Variants in TTC5 observed in about 807,000 individuals in gnomAD.
The protein encoded by TTC5 is tetratricopeptide repeat domain 5.
In TTC5, 46 loss-of-function variants were observed where a neutral mutation model predicts 57.4. The ratio of observed to expected loss-of-function variants is 0.80; its 90% CI spans 0.63 to 1.03. The LOEUF (loss-of-function observed/expected upper bound fraction) is 1.03. Among genes scored for constraint, TTC5 ranks in the 50% least tolerant of loss-of-function variants. TTC5 has a pLI of 0.00. For missense variants in TTC5, 504 were observed against 528.1 expected (o/e 0.95, Z 0.45); for synonymous variants, 190 against 203.5 (o/e 0.93, Z 0.57).
In TTC5 at chr14:20,295,481, G is replaced by C. The variant is rs368459615; in HGVS notation, c.889C>G (p.Arg297Gly). The C allele has an allele frequency of 1.2e-6, 2 of 1,613,756 alleles. No individual in the cohort carries two copies. The highest frequency in any genetic ancestry group is 1.1e-5 in the South Asian group (1 of 91,064). ...KKLQSMLGSLRPAHLGPCSDG... is the reference protein window; with the variant it reads ...KKLQSMLGSLGPAHLGPCSDG... The stretch of plus-strand genomic sequence containing the variant: ...CTGCAAGGGCCTAGATGGGCTGGGC[G>C]CAAGCTTCCCAGCATGCTCTGCAGC... Residue 297 changes from arginine (R) to glycine (G), a missense_variant, in exon 8 of 10, where the codon CGC (arginine) becomes GGC (glycine). Physicochemically the swap from Arg to Gly is moderately radical, Grantham distance 125 (BLOSUM62 -2). Coordinates refer to ENST00000258821, the MANE Select transcript of TTC5 (RefSeq NM_138376.3).
intron 9 of TTC5, 31 bp from the exon 10 acceptor site, chr14:20,289,777 A>G: frequency 6.3e-7 from 1 of 1,588,268 alleles, no homozygotes; most frequent in Non-Finnish European, 8.6e-7. Flanking sequence ...AAGGTTCACT[A>G]CAGATTCCAA....
chr14:20,305,596 A>G (rs1418435558), intron 1 of TTC5: 1 of 515,010 alleles, frequency 1.9e-6, no homozygotes, highest in Non-Finnish European at 3.5e-6. Context: ...GCTATTCGCT[A>G]TGGATGAATC....
intron 3 of TTC5, 61 bp downstream of exon 3, chr14:20,300,546 T>A: frequency 1.4e-6 from 2 of 1,466,182 alleles, no homozygotes; most frequent in Non-Finnish European, 1.8e-6. Flanking sequence ...GGGAAACTCA[T>A]AGAACCAAAG....
intron 8 of TTC5, 95 bp from the exon 9 acceptor site, chr14:20,292,222 T>C: frequency 1.2e-6 from 1 of 860,194 alleles, no homozygotes; most frequent in Non-Finnish European, 1.6e-6. Flanking sequence ...ACTAGCAAAA[T>C]ACTGGACTTA....
At chr14:20,292,227 G>GCAA in intron 8 of TTC5, 100 bp from the exon 9 acceptor site, 3 of 789,232 alleles carry the variant, frequency 3.8e-6, no homozygotes, top group Non-Finnish European at 5.4e-6. Context: ...CAAAATACTG[G>GCAA]ACTTAAAGTC....
In TTC5 at chr14:20,292,094, G is replaced by A. The variant is rs1232514870; in HGVS notation, c.1092C>T (p.Cys364=). The stretch of plus-strand genomic sequence containing the variant: ...CTATATTGTACACCATCACTGCATA[G>A]CAAGGTCCATCTGAATCTACCAGGC... ...TFGLVDSDGP[C]YAVMVYNIVQ... is the part of the protein sequence containing the mutation. The change falls in exon 9 of 10, where the codon TGC becomes TGT. Residue 364 remains cysteine (C), a synonymous_variant. Coordinates refer to ENST00000258821, the MANE Select transcript of TTC5 (RefSeq NM_138376.3). The A allele has an allele frequency of 6.3e-7, 1 of 1,586,262 alleles. No homozygotes were observed.
intron 9 of TTC5, among the ~76,000 whole-genome samples, chr14:20,291,324 C>G (rs1881948186): frequency 6.6e-6 from 1 of 152,180 alleles, no homozygotes; most frequent in African/African-American, 2.4e-5. Flanking sequence ...TTCCAAAGTG[C>G]TGGGATTTTA....
chr14:20,299,163 T>G (rs1213368299), intron 4 of TTC5, 135 bp downstream of exon 4: 1 of 972,048 alleles, frequency 1.0e-6, no homozygotes, highest in Non-Finnish European at 1.5e-6. Context: ...AAAATGTCTT[T>G]CGTGTGTCTT....
chr14:20,300,631 G>A lies in TTC5; in HGVS notation c.372C>T (p.Thr124=). 1 of 1,613,096 alleles carries A rather than the reference G, an allele frequency of 6.2e-7. No individual in the cohort carries two copies. The highest frequency in any genetic ancestry group is 8.5e-7 in the Non-Finnish European group (1 of 1,179,930). ...WKKGDVAAAH[T]CFSGALTHCR... ...CATGGGTGAGGGCTCCTGAGAAGCA[G>A]GTGTGGGCAGCTGCAACATCCCCTT... The change falls in exon 3 of 10, where the codon ACC becomes ACT. Residue 124 remains threonine (T), a synonymous_variant. Coordinates refer to ENST00000258821, the MANE Select transcript of TTC5 (RefSeq NM_138376.3).
Position 20,295,405 on chromosome 14 carries a change from T to C in TTC5, c.965A>G (p.Lys322Arg). The change falls in exon 8 of 10, where the codon AAG (lysine) becomes AGG (arginine). Residue 322 changes from lysine to arginine, a missense_variant. Coordinates refer to ENST00000258821, the MANE Select transcript of TTC5 (RefSeq NM_138376.3). ...ASGQKVTLEL[K>R]PLSTLQPGVN... is the part of the protein sequence containing the mutation. ...CCCAGGCTGAAGCGTACTCAGTGGC[T>C]TGAGCTCCAGGGTCACTTTCTGCCC... 6.2e-7 allele frequency: 1 copy of C among 1,614,202 alleles called. No individual in the cohort carries two copies.
rs765006680 is a variant in TTC5 at position 20,295,831 on chromosome 14, A to G, written c.720T>C (p.Tyr240=). The G allele has an allele frequency of 1.9e-6, 3 of 1,589,438 alleles. No homozygotes were observed. ...RATLHKYEES[Y]GEALEGFSRA... The stretch of plus-strand genomic sequence containing the variant: ...GAGAGAAGCCCTCCAGGGCCTCCCC[A>G]TAACTCTCTTCATATTTATGCAACT... Residue 240 remains tyrosine (Y), a synonymous_variant, in exon 7 of 10, where the codon TAT becomes TAC. Transcript: ENST00000258821.
chr14:20,294,968 C>T, intron 8 of TTC5: 1 of 258,856 alleles, frequency 3.9e-6, no homozygotes, highest in Non-Finnish European at 7.6e-6. Context: ...AATTTGTCCT[C>T]CTTCAACTTC....
chr14:20,286,934 G>T lies in TTC5; in HGVS notation c.*2693C>A, dbSNP rs1881849900. ...ATTAATAATCAGAAATGCAAATTAA[G>T]GCCACAAGGAAATAATACTCAAATC... On this transcript the variant is annotated 3_prime_UTR_variant, in exon 10 of 10. Coordinates refer to ENST00000258821, the MANE Select transcript of TTC5 (RefSeq NM_138376.3). 6.6e-6 allele frequency: 1 copy of T among 151,932 alleles called. No individual in the cohort carries two copies. The highest frequency in any genetic ancestry group is 6.6e-5 in the Admixed American group (1 of 15,246). 9.4% of individuals were successfully genotyped at this position (151,932 alleles called of 1,614,324 possible).
rs755325720 is a variant in TTC5 at position 20,295,797 on chromosome 14, C to T, written c.754G>A (p.Ala252Thr). The T allele has an allele frequency of 1.9e-6, 3 of 1,611,038 alleles. No individual in the cohort carries two copies. The highest frequency in any genetic ancestry group is 2.5e-6 in the Non-Finnish European group (3 of 1,179,240). ...EALEGFSRAA[A>T]LDPAWPEPRQ... Reference sequence around the variant, plus strand: ...GGCTCTGGCCAGGCAGGGTCCAGGGCTGCAGCCCGAGAGAAGCCCTCCAGG... The same window carrying T: ...GGCTCTGGCCAGGCAGGGTCCAGGGTTGCAGCCCGAGAGAAGCCCTCCAGG... The change falls in exon 7 of 10, where the codon GCC becomes ACC. Residue 252 changes from alanine (A) to threonine (T), a missense_variant. Coordinates refer to ENST00000258821, the MANE Select transcript of TTC5 (RefSeq NM_138376.3).
chr14:20,297,772 C>CA (rs759779512), intron 5 of TTC5, among the ~76,000 whole-genome samples: 1,729 of 119,240 alleles, frequency 0.015, 21 homozygotes, highest in African/African-American at 0.044. Flanking sequence ...GACTCCGTCT[C>CA]AAAAAAAAAA....
intron 1 of TTC5, among the ~76,000 whole-genome samples, chr14:20,302,963 C>A (rs1292919159): frequency 6.6e-6 from 1 of 151,736 alleles, no homozygotes; most frequent in African/African-American, 2.4e-5. Context: ...CTTTGGTAGT[C>A]CAAGGCAGAC....
chr14:20,297,441 T>C (rs1370868346), intron 5 of TTC5, among the ~76,000 whole-genome samples: 7 of 152,182 alleles, frequency 4.6e-5, no homozygotes, highest in African/African-American at 1.7e-4. Flanking sequence ...GGTTCAGATA[T>C]GTTTACAAAT....
At chr14:20,290,374 A>G (rs1339863001) in intron 9 of TTC5, among the ~76,000 whole-genome samples, 2 of 152,260 alleles carry the variant, frequency 1.3e-5, no homozygotes, top group Non-Finnish European at 2.9e-5. Context: ...TTTAAGTCCA[A>G]GTAAAGTAAA....
intron 5 of TTC5, among the ~76,000 whole-genome samples, chr14:20,298,253 T>C (rs753158174): frequency 2.6e-5 from 4 of 152,218 alleles, no homozygotes; most frequent in South Asian, 2.1e-4. Flanking sequence ...ATAAAAATGC[T>C]TGAAAACCTA....
Sources: gnomAD v4.1 joint callset for allele counts (sites outside exome capture counted in the v4.1 genomes callset) on GRCh38, gnomAD v4.1.1 for gene constraint, MANE v1.5 for transcripts, NCBI Gene and HGNC (gene_info 2026-07-23, HGNC 2026-07-21) for gene names.